SYNPR: variants seen among roughly 807,000 people sequenced by gnomAD.
SYNPR encodes the protein synaptoporin.
SYNPR carries 23 observed loss-of-function variants against 32.9 expected under a neutral mutation model. The ratio of observed to expected loss-of-function variants is 0.70; its 90% CI spans 0.50 to 0.99. The LOEUF (loss-of-function observed/expected upper bound fraction) is 0.99, where lower values mean the gene tolerates loss of function less well. Ranked by LOEUF, SYNPR falls within the 50% of genes least tolerant of loss-of-function variation. The pLI is 0.00. For synonymous variants in SYNPR, 146 were observed against 135.9 expected (o/e 1.07, Z -0.52); for missense variants, 318 against 349.3 (o/e 0.91, Z 0.71).
chr3:63,491,237 C>A (rs746971448), intron 3 of SYNPR, among the ~76,000 whole-genome samples: 8 of 152,112 alleles, frequency 5.3e-5, no homozygotes, highest in African/African-American at 1.4e-4. Context: ...TTAAACAAGT[C>A]ATTGCCCAAA....
chr3:63,597,366 T>C (rs893409408), intron 4 of SYNPR, among the ~76,000 whole-genome samples: 1 of 152,148 alleles, frequency 6.6e-6, no homozygotes, highest in Non-Finnish European at 1.5e-5. Flanking sequence ...AAATAAACAG[T>C]GCTGTATTCT....
chr3:63,568,423 G>A (rs1702830597), intron 4 of SYNPR, among the ~76,000 whole-genome samples: 2 of 152,204 alleles, frequency 1.3e-5, no homozygotes, highest in South Asian at 4.2e-4. Flanking sequence ...AAGACAGGTG[G>A]GGGACACAGT....
At chr3:63,284,059 C>T (rs754915477) in intron 2 of SYNPR, among the ~76,000 whole-genome samples, 2 of 152,120 alleles carry the variant, frequency 1.3e-5, no homozygotes, top group African/African-American at 2.4e-5. Flanking sequence ...CTGCCGGCCT[C>T]GGCCTCCCAA....
intron 3 of SYNPR, among the ~76,000 whole-genome samples, chr3:63,536,477 G>A (rs1200266086): frequency 1.3e-5 from 2 of 152,080 alleles, no homozygotes; most frequent in African/African-American, 4.8e-5. Context: ...ACAAGGCTGT[G>A]GAAAAACTGA....
intron 3 of SYNPR, among the ~76,000 whole-genome samples, chr3:63,496,506 T>C (rs1205762664): frequency 6.6e-6 from 1 of 152,140 alleles, no homozygotes; most frequent in East Asian, 1.9e-4. Flanking sequence ...TGTAAGCTCA[T>C]CTGTCAGGTA....
intron 3 of SYNPR, among the ~76,000 whole-genome samples, chr3:63,502,285 G>C (rs1009201851): frequency 6.6e-6 from 1 of 152,052 alleles, no homozygotes; most frequent in Non-Finnish European, 1.5e-5. Flanking sequence ...GGAAAGTACA[G>C]AGATTTCTCA....
intron 3 of SYNPR, among the ~76,000 whole-genome samples, chr3:63,535,456 A>C (rs1168339434): frequency 6.6e-6 from 1 of 152,122 alleles, no homozygotes; most frequent in African/African-American, 2.4e-5. Context: ...AGAACTGATT[A>C]ATATTTTTTA....
intron 2 of SYNPR, among the ~76,000 whole-genome samples, chr3:63,257,351 C>T (rs569035108): frequency 6.6e-6 from 1 of 152,302 alleles, no homozygotes; most frequent in Admixed American, 6.5e-5. Flanking sequence ...GGAAGCCTAC[C>T]AGACTAACAG....
chr3:63,524,848 T>C (rs34935786), intron 3 of SYNPR, among the ~76,000 whole-genome samples: 10,954 of 119,728 alleles, frequency 0.091, 605 homozygotes, highest in East Asian at 0.29. Context: ...TGTGTGTGTG[T>C]GTGCATGTGT....
intron 3 of SYNPR, among the ~76,000 whole-genome samples, chr3:63,497,253 G>A (rs1304131697): frequency 6.6e-6 from 1 of 152,084 alleles, no homozygotes; most frequent in Admixed American, 6.6e-5. Flanking sequence ...TTTACATCAT[G>A]GTGCTCATCT....
intron 2 of SYNPR, among the ~76,000 whole-genome samples, chr3:63,282,311 G>A (rs1464915024): frequency 6.6e-6 from 1 of 152,082 alleles, no homozygotes; most frequent in Non-Finnish European, 1.5e-5. Flanking sequence ...TAAGCAATCA[G>A]TTGCTTTTAA....
chr3:63,506,538 C>T (rs1208511459), intron 3 of SYNPR, among the ~76,000 whole-genome samples: 1 of 152,174 alleles, frequency 6.6e-6, no homozygotes, highest in Non-Finnish European at 1.5e-5. Flanking sequence ...ACACCATTTA[C>T]TGGCCCCCTT....
At chr3:63,478,967 C>G (rs116119254) in intron 2 of SYNPR, among the ~76,000 whole-genome samples, 2 of 152,146 alleles carry the variant, frequency 1.3e-5, no homozygotes, top group South Asian at 4.1e-4. Flanking sequence ...TAATTGCTTA[C>G]AGGAAGAGAG....
At chr3:63,440,808 C>T (rs915891436) in intron 2 of SYNPR, among the ~76,000 whole-genome samples, 28 of 152,098 alleles carry the variant, frequency 1.8e-4, no homozygotes, top group Non-Finnish European at 3.4e-4. Context: ...AAGACTGAGC[C>T]TCATACCTCC....
intron 3 of SYNPR, among the ~76,000 whole-genome samples, chr3:63,552,505 G>A (rs17069039): frequency 0.039 from 5,971 of 152,218 alleles, 269 homozygotes; most frequent in East Asian, 0.22. Flanking sequence ...ATTTTTGTGG[G>A]AAAGTGCAAT....
Position 63,516,042 on chromosome 3 carries a change from CATT to C in SYNPR, c.209+35089_209+35091del, listed in dbSNP as rs568568068. Among the ~76,000 whole-genome samples, 679 of 152,064 alleles carry C rather than the reference CATT, an allele frequency of 4.5e-3. 5 individuals are homozygous for C. The highest frequency in any genetic ancestry group is 0.015 in the African/African-American group (642 of 41,506). On this transcript the variant is annotated intron_variant, in intron 3 of 5. Coordinates refer to ENST00000478300, the MANE Select transcript of SYNPR (RefSeq NM_001130003.2). ...ACAGTCAACATTCTTTATGCACAGT[CATT>C]ATAATTTTCAAAAAAAATTATATTT...
At chr3:63,248,793 C>G (rs1002875577) in intron 1 of SYNPR, among the ~76,000 whole-genome samples, 2 of 152,142 alleles carry the variant, frequency 1.3e-5, no homozygotes, top group Non-Finnish European at 2.9e-5. Context: ...AAGGGACATT[C>G]ACTGATTACG....
intron 2 of SYNPR, among the ~76,000 whole-genome samples, chr3:63,334,663 C>G (rs528757383): frequency 1.6e-3 from 242 of 152,238 alleles, no homozygotes; most frequent in African/African-American, 5.6e-3. Flanking sequence ...TCTCCTACAT[C>G]TGGAAACTTA....
chr3:63,362,157 G>A (rs1231294522), intron 2 of SYNPR, among the ~76,000 whole-genome samples: 1 of 152,310 alleles, frequency 6.6e-6, no homozygotes, highest in Admixed American at 6.5e-5. Context: ...TTCAGATGGT[G>A]AAGCCATGCT....
Sources: gnomAD v4.1 joint callset for allele counts (sites outside exome capture counted in the v4.1 genomes callset) on GRCh38, gnomAD v4.1.1 for gene constraint, MANE v1.5 for transcripts, NCBI Gene and HGNC (gene_info 2026-07-23, HGNC 2026-07-21) for gene names.